NCALD: variants seen among roughly 807,000 people sequenced by gnomAD.
The protein encoded by NCALD is neurocalcin-delta.
NCALD carries 10 observed loss-of-function variants against 18.6 expected under a neutral mutation model. The ratio of observed to expected loss-of-function variants is 0.54; its 90% confidence interval spans 0.33 to 0.91. The LOEUF is 0.91. Among genes scored for constraint, NCALD ranks in the 40% least tolerant of loss-of-function variants. The probability of loss-of-function intolerance (pLI) is 0.03; values close to 1 mark genes in which losing one functional copy is unlikely to be tolerated. For missense variants in NCALD, 184 were observed against 247.6 expected, an observed-to-expected ratio of 0.74 and a Z score of 1.72; for synonymous variants, 88 against 87.4, an observed-to-expected ratio of 1.01 and a Z score of -0.04.
chr8:102,065,305 C>T (rs746716242), intron 1 of NCALD, among the ~76,000 whole-genome samples: 2 of 151,742 alleles, frequency 1.3e-5, no homozygotes, highest in Admixed American at 6.6e-5. Context: ...CATACGCAGG[C>T]GCCACCACCC....
intron 1 of NCALD, among the ~76,000 whole-genome samples, chr8:101,746,695 C>T (rs1473942614): frequency 6.6e-6 from 1 of 151,596 alleles, no homozygotes; most frequent in Non-Finnish European, 1.5e-5. Context: ...CACCATGCAT[C>T]TCTGAAACGT....
chr8:102,036,301 GA>G (rs1262711045), intron 1 of NCALD, among the ~76,000 whole-genome samples: 1 of 148,704 alleles, frequency 6.7e-6, no homozygotes, highest in Admixed American at 6.7e-5. Flanking sequence ...CTGGGTGACA[GA>G]AAAAAAATAA....
intron 1 of NCALD, among the ~76,000 whole-genome samples, chr8:102,071,493 T>G (rs1163800745): frequency 1.3e-5 from 2 of 152,162 alleles, no homozygotes; most frequent in African/African-American, 4.8e-5. Flanking sequence ...GAGAAAAATG[T>G]ATAGAAGTTA....
At chr8:102,023,189 T>A (rs1178289956) in intron 1 of NCALD, among the ~76,000 whole-genome samples, 1 of 152,228 alleles carries the variant, frequency 6.6e-6, no homozygotes, top group Non-Finnish European at 1.5e-5. Context: ...GTTTCTAGCA[T>A]CTGTTCTTTC....
At chr8:101,728,284 G>T (rs747237605) in intron 1 of NCALD, among the ~76,000 whole-genome samples, 3 of 150,638 alleles carry the variant, frequency 2.0e-5, no homozygotes, top group South Asian at 4.2e-4. Context: ...GCATTTCTGC[G>T]ATTCCTCATA....
At chr8:101,692,287 C>CA in intron 3 of NCALD, 1 of 985,416 alleles carries the variant, frequency 1.0e-6, no homozygotes, top group Non-Finnish European at 1.2e-6. Context: ...CCGGGCACCC[C>CA]AGTGACTATG....
chr8:101,767,410 T>G (rs757016577), intron 1 of NCALD, among the ~76,000 whole-genome samples: 9 of 152,176 alleles, frequency 5.9e-5, no homozygotes, highest in Non-Finnish European at 1.3e-4. Flanking sequence ...GTTTTTAAAA[T>G]CAGGTCTTAG....
chr8:101,872,531 C>G (rs1816062198), intron 4 of NCALD: 14 of 701,210 alleles, frequency 2.0e-5, no homozygotes, highest in Non-Finnish European at 2.6e-6. Flanking sequence ...CACTCAGTGT[C>G]TGTGTTGGGG....
intron 2 of NCALD, among the ~76,000 whole-genome samples, chr8:101,979,114 A>G (rs1820526289): frequency 6.6e-6 from 1 of 152,306 alleles, no homozygotes; most frequent in African/African-American, 2.4e-5. Context: ...CAGAAGGCAG[A>G]TTTTCATTCC....
At chr8:101,724,799 G>C (rs190991988) in intron 1 of NCALD, among the ~76,000 whole-genome samples, 1 of 152,224 alleles carries the variant, frequency 6.6e-6, no homozygotes, top group Non-Finnish European at 1.5e-5. Context: ...GAGCCTAACT[G>C]TGAGTGTGGG....
At chr8:101,975,994 G>A (rs900832775) in intron 2 of NCALD, among the ~76,000 whole-genome samples, 7 of 152,126 alleles carry the variant, frequency 4.6e-5, no homozygotes, top group Non-Finnish European at 8.8e-5. Context: ...AGATTGGGAG[G>A]TGGAAGAAAA....
chr8:102,097,976 C>T lies in NCALD; in HGVS notation c.-210+26261G>A, dbSNP rs538571351. On this transcript the variant is annotated intron_variant, in intron 1 of 6. Transcript: ENST00000311028. ...CGACAGTTTCAGAAGACGTCATTCACACAATGTGCAAGGCACTTCCTGCAC... is the reference window on the plus strand; with the variant it reads ...CGACAGTTTCAGAAGACGTCATTCATACAATGTGCAAGGCACTTCCTGCAC... Among the ~76,000 whole-genome samples, 20 of 152,338 alleles carry T rather than the reference C, an allele frequency of 1.3e-4. 1 individual carries two copies. In the South Asian group the frequency reaches 4.1e-3, roughly 32 times the overall value.
In NCALD at chr8:101,861,558, C is replaced by A. The variant is rs506026; in HGVS notation, c.-20+25583G>T. 1.1e-3 allele frequency among the ~76,000 whole-genome samples: 165 copies of A among 151,164 alleles called. 1 individual carries two copies. Among genetic ancestry groups the A allele is most frequent in the East Asian group, 7.4e-3 (38 of 5,126 alleles). On this transcript the variant is annotated intron_variant, in intron 4 of 6. Coordinates refer to the NCALD transcript ENST00000311028. ...CATATATGTGATATTAAAAAAAAAA[C>A]CAAAAACAAAACAGCTCACCAAAGT...
intron 1 of NCALD, among the ~76,000 whole-genome samples, chr8:101,757,932 C>A (rs1178042978): frequency 1.3e-5 from 2 of 152,174 alleles, no homozygotes; most frequent in African/African-American, 4.8e-5. Flanking sequence ...GCTAGGACTA[C>A]AGTTGTGTGC....
intron 2 of NCALD, among the ~76,000 whole-genome samples, chr8:101,932,020 A>G (rs78384819): frequency 0.023 from 3,539 of 152,224 alleles, 127 homozygotes; most frequent in African/African-American, 0.078. Context: ...ACTACCTACC[A>G]TTAGAGAAGG....
chr8:101,901,234 T>C (rs1320779216), intron 3 of NCALD, among the ~76,000 whole-genome samples: 3 of 152,068 alleles, frequency 2.0e-5, no homozygotes, highest in African/African-American at 7.2e-5. Flanking sequence ...TCCTATATTG[T>C]TATATCTGAC....
At chr8:101,929,734 G>A (rs1331000599) in intron 2 of NCALD, among the ~76,000 whole-genome samples, 1 of 151,664 alleles carries the variant, frequency 6.6e-6, no homozygotes, top group Non-Finnish European at 1.5e-5. Flanking sequence ...AGGTTTGTGG[G>A]GTCTGAGCTT....
At chr8:102,082,808 A>T (rs1208417332) in intron 1 of NCALD, among the ~76,000 whole-genome samples, 1 of 152,072 alleles carries the variant, frequency 6.6e-6, no homozygotes, top group Non-Finnish European at 1.5e-5. Context: ...GCTCTCCCCC[A>T]CCGCAGGGCG....
At chr8:101,797,710 G>A (rs1056159950) in intron 4 of NCALD, among the ~76,000 whole-genome samples, 29 of 151,868 alleles carry the variant, frequency 1.9e-4, no homozygotes, top group Non-Finnish European at 1.0e-4. Flanking sequence ...CAGCTAATCC[G>A]GAAGCTGAGG....
Sources: allele counts gnomAD v4.1 joint callset (sites outside exome capture counted in the v4.1 genomes callset), GRCh38; gene constraint gnomAD v4.1.1; transcripts MANE v1.5; gene names NCBI Gene and HGNC (gene_info 2026-07-23, HGNC 2026-07-21).